ASIP: variants seen among roughly 807,000 people sequenced by gnomAD.
ASIP encodes agouti signaling protein, also known as agouti-signaling protein.
Under a neutral mutation model 10.3 loss-of-function variants are expected in ASIP, and 11 were observed. The observed-to-expected ratio is 1.07, with a 90% CI of 0.68 to 1.78. The LOEUF (loss-of-function observed/expected upper bound fraction) is 1.78. ASIP is among the 40% of genes most tolerant of loss of function. The probability of loss-of-function intolerance (pLI) is 0.00; values close to 1 mark genes in which losing one functional copy is unlikely to be tolerated. For missense variants in ASIP, 180 were observed against 169.2 expected, an observed-to-expected ratio of 1.06 and a Z score of -0.35; for synonymous variants, 70 against 70.8, an observed-to-expected ratio of 0.99 and a Z score of 0.06.
At chr20:34,211,836 C>T (rs986191806) in intron 1 of ASIP, among the ~76,000 whole-genome samples, 2 of 152,128 alleles carry the variant, frequency 1.3e-5, no homozygotes, top group Non-Finnish European at 2.9e-5. Flanking sequence ...TTCTCTGGGT[C>T]GTTAGCTTTT....
At chr20:34,246,558 G>A (rs73610823) in intron 1 of ASIP, 79 of 865,894 alleles carry the variant, frequency 9.1e-5, no homozygotes, top group Middle Eastern at 3.4e-4. Flanking sequence ...CTCTGCCTCC[G>A]GGCTCAAGCA....
chr20:34,232,293 A>G (rs1408968170), intron 1 of ASIP, among the ~76,000 whole-genome samples: 1 of 152,188 alleles, frequency 6.6e-6, no homozygotes, highest in Non-Finnish European at 1.5e-5. Context: ...GGTATACTCT[A>G]TAAGATGAGG....
At chr20:34,254,317 C>A (rs1353755140) in intron 1 of ASIP, among the ~76,000 whole-genome samples, 1 of 152,216 alleles carries the variant, frequency 6.6e-6, no homozygotes, top group African/African-American at 2.4e-5. Flanking sequence ...CCTGCCTTGG[C>A]CTCCCAAAGT....
intron 1 of ASIP, chr20:34,214,466 A>C: frequency 6.6e-7 from 1 of 1,516,236 alleles, no homozygotes; most frequent in Admixed American, 1.7e-5. Context: ...CTGAGAAGTG[A>C]GCACCATGAG....
chr20:34,189,568 C>T, the ASIP span, among the ~76,000 whole-genome samples: 1 of 152,130 alleles, frequency 6.6e-6, no homozygotes, highest in Non-Finnish European at 1.5e-5. Flanking sequence ...TTAGGCAAAC[C>T]CTGGAGAAGC....
At chr20:34,222,919 T>C (rs1435032196) in intron 1 of ASIP, among the ~76,000 whole-genome samples, 2 of 152,116 alleles carry the variant, frequency 1.3e-5, no homozygotes, top group Non-Finnish European at 2.9e-5. Flanking sequence ...CGGAGTCTCG[T>C]TCACTCAGTG....
rs576233708 is a variant in ASIP, at chr20:34,254,831, A to C, written c.-10-5534A>C. On this transcript the variant is annotated intron_variant, in intron 1 of 3. Coordinates refer to ENST00000374954, the MANE Select transcript of ASIP (RefSeq NM_001672.3). Reference sequence around the variant, plus strand: ...ATTTAGAATATACATATCCCTCCAGAATTGAGGTAAGGAATACTGGTCTTT... The same window carrying C: ...ATTTAGAATATACATATCCCTCCAGCATTGAGGTAAGGAATACTGGTCTTT... Among the ~76,000 whole-genome samples, 9 of 152,298 alleles carry C rather than the reference A, an allele frequency of 5.9e-5. No homozygotes were observed. The South Asian group carries it at 1.4e-3, about 25-fold the overall frequency.
At chr20:34,239,865 G>A (rs2035261557), upstream of ASIP, among the ~76,000 whole-genome samples, 1 of 152,144 alleles carries the variant, frequency 6.6e-6, no homozygotes, top group Admixed American at 6.5e-5. Context: ...TTTATTGCAG[G>A]GCCCCATATT....
At chr20:34,256,771 C>T (rs1285310675) in intron 1 of ASIP, among the ~76,000 whole-genome samples, 1 of 152,114 alleles carries the variant, frequency 6.6e-6, no homozygotes, top group Non-Finnish European at 1.5e-5. Context: ...TTGCCTTAAT[C>T]GAGCTCATTT....
intron 1 of ASIP, chr20:34,213,528 G>A (rs539212721): frequency 1.3e-5 from 20 of 1,506,822 alleles, no homozygotes; most frequent in African/African-American, 5.6e-5. Flanking sequence ...TTTCTTCTGC[G>A]GGCCAGAGTA....
chr20:34,213,390 T>A (rs1315465022), intron 1 of ASIP: 1 of 627,478 alleles, frequency 1.6e-6, no homozygotes, highest in Non-Finnish European at 2.8e-6. Flanking sequence ...TGCCAGAGAG[T>A]GGAGTGTTGC....
intron 1 of ASIP, among the ~76,000 whole-genome samples, chr20:34,196,144 G>A (rs183322994): frequency 1.0e-3 from 149 of 148,608 alleles, no homozygotes; most frequent in African/African-American, 3.6e-3. Flanking sequence ...AGGAACCAGA[G>A]CCAGAACTCT....
rs181241584 is a variant in ASIP, at chr20:34,267,829, T to G, written c.223-1162T>G. ...TACAGGCATGAGCCACCACACCCAG[T>G]TGATAACCATATTTAAAAAAAAAAA... On this transcript the variant is annotated intron_variant, in intron 3 of 3. Coordinates refer to ENST00000374954, the MANE Select transcript of ASIP (RefSeq NM_001672.3). Among the ~76,000 whole-genome samples, 35 of 144,698 alleles carry G rather than the reference T, an allele frequency of 2.4e-4. No individual in the cohort carries two copies. The East Asian group carries it at 6.1e-3, about 25-fold the overall frequency. The allele number at this position is 144,698 out of a possible 152,430, so 94.9% of individuals were successfully genotyped here. A position where few individuals can be genotyped will look rare whatever the true frequency, so the allele number is the denominator to read the frequency against.
chr20:34,203,911 TG>T (rs913389544), intron 1 of ASIP, among the ~76,000 whole-genome samples: 1 of 151,336 alleles, frequency 6.6e-6, no homozygotes, highest in African/African-American at 2.4e-5. Context: ...TTAGTAGAGA[TG>T]GGGTTGTTTC....
At chr20:34,243,522 T>G (rs1168117768) in intron 1 of ASIP, among the ~76,000 whole-genome samples, 3 of 152,180 alleles carry the variant, frequency 2.0e-5, no homozygotes, top group African/African-American at 7.2e-5. Context: ...TAACATCCAC[T>G]GCTGGCTAGC....
chr20:34,222,153 C>A (rs2035051944), intron 1 of ASIP, among the ~76,000 whole-genome samples: 1 of 151,950 alleles, frequency 6.6e-6, no homozygotes, highest in Non-Finnish European at 1.5e-5. Flanking sequence ...ATTGACCAGG[C>A]ATGTGGATAT....
chr20:34,259,528 A>C (rs1267085771), intron 1 of ASIP, among the ~76,000 whole-genome samples: 2 of 151,908 alleles, frequency 1.3e-5, no homozygotes, highest in Admixed American at 6.6e-5. Flanking sequence ...AAATAAAAAG[A>C]GTTAGAAAAT....
chr20:34,225,623 G>A (rs2035087384), intron 1 of ASIP, among the ~76,000 whole-genome samples: 2 of 152,064 alleles, frequency 1.3e-5, no homozygotes. Context: ...CTAATCTGGA[G>A]AAGTCTTGTT....
chr20:34,191,673 T>TTTCCTTCCCTCCC (rs1488716659), upstream of ASIP, among the ~76,000 whole-genome samples: 3 of 151,998 alleles, frequency 2.0e-5, no homozygotes, highest in African/African-American at 7.2e-5. Flanking sequence ...CTTCGCTTTA[T>TTTCCTTCCCTCCC]TTCCTTCCCT....
Sources: gnomAD v4.1 joint callset for allele counts (sites outside exome capture counted in the v4.1 genomes callset) on GRCh38, gnomAD v4.1.1 for gene constraint, MANE v1.5 for transcripts, NCBI Gene and HGNC (gene_info 2026-07-23, HGNC 2026-07-21) for gene names.